DOCK4: variants seen among roughly 807,000 people sequenced by gnomAD.
DOCK4 encodes the protein dedicator of cytokinesis 4.
Under a neutral mutation model 268.1 loss-of-function variants are expected in DOCK4, and 97 were observed. The observed-to-expected ratio is 0.36, with a 90% CI of 0.31 to 0.43. The LOEUF (loss-of-function observed/expected upper bound fraction) is 0.43, where lower values mean the gene tolerates loss of function less well. Among genes scored for constraint, DOCK4 ranks in the 20% least tolerant of loss-of-function variants. The pLI is 1.00. For missense variants in DOCK4, 2,145 were observed against 2,455.7 expected, an observed-to-expected ratio of 0.87 and a Z score of 2.67; for synonymous variants, 954 against 887.2, an observed-to-expected ratio of 1.08 and a Z score of -1.34.
intron 1 of DOCK4, among the ~76,000 whole-genome samples, chr7:112,021,715 A>G (rs1306082000): frequency 6.6e-6 from 1 of 152,198 alleles, no homozygotes; most frequent in Non-Finnish European, 1.5e-5. Context: ...TATTTATTGC[A>G]AGGGGAGTTC....
rs115108412 is a variant in DOCK4 at position 111,840,493 on chromosome 7, G to C, written c.2736+4270C>G. ...TAAAATCTGCTTCTACCTATAATTAGACTTTTGAAAGGAACTGATCACAAT... is the reference window on the plus strand; with the variant it reads ...TAAAATCTGCTTCTACCTATAATTACACTTTTGAAAGGAACTGATCACAAT... On this transcript the variant is annotated intron_variant, in intron 25 of 52. Coordinates refer to ENST00000428084, the MANE Select transcript of DOCK4 (RefSeq NM_001363540.2). Among the ~76,000 whole-genome samples, 738 of 151,908 alleles carry C rather than the reference G, an allele frequency of 4.9e-3. 7 individuals are homozygous for C. Among genetic ancestry groups the C allele is most frequent in the African/African-American group, 0.017 (698 of 41,466 alleles).
At chr7:111,865,024 A>G (rs1432370698) in intron 22 of DOCK4, among the ~76,000 whole-genome samples, 1 of 152,240 alleles carries the variant, frequency 6.6e-6, no homozygotes, top group Non-Finnish European at 1.5e-5. Context: ...CGGCTGTGCC[A>G]GGGCAAGCTG....
intron 1 of DOCK4, among the ~76,000 whole-genome samples, chr7:112,097,061 C>T (rs1586815789): frequency 1.3e-5 from 2 of 152,228 alleles, no homozygotes; most frequent in South Asian, 4.2e-4. Flanking sequence ...CCGCAAAAAG[C>T]CAACTATCAG....
rs1252531726 is a variant in DOCK4, at chr7:111,732,144, C to A, written c.5481+82G>T. ...TGCCTGGTCCCTGCAAATTAAAGCA[C>A]CTTTTGATATATCTGGGATGAGTCT... On this transcript the variant is annotated intron_variant, in intron 52 of 52. Coordinates refer to ENST00000428084, the MANE Select transcript of DOCK4 (RefSeq NM_001363540.2). 11 of 1,398,654 alleles carry A rather than the reference C, an allele frequency of 7.9e-6. No homozygotes were observed. The East Asian group carries it at 2.6e-4, about 33-fold the overall frequency. 86.6% of individuals were successfully genotyped at this position (1,398,654 alleles called of 1,614,324 possible).
At chr7:111,931,607 A>G in intron 12 of DOCK4, among the ~76,000 whole-genome samples, 1 of 152,236 alleles carries the variant, frequency 6.6e-6, no homozygotes, top group East Asian at 1.9e-4. Flanking sequence ...GAGGAGATGA[A>G]GGAAACAAAG....
In DOCK4 at chr7:111,900,397, C is replaced by T. The variant is rs533356346; in HGVS notation, c.1457G>A (p.Arg486His). ...ACTGGAACAATGCCGAAACTCGAAG[C>T]GGATGTGTGCACCCCGGAATTTATC... ...PVDKFRGAHI[R>H]FEFRHCSTKE... Residue 486 changes from arginine (R) to histidine (H), a missense_variant, in exon 15 of 53, where the codon CGC becomes CAC. Physicochemically the swap from Arg to His is conservative, Grantham distance 29. Transcript: ENST00000428084. 1.2e-5 allele frequency: 20 copies of T among 1,613,226 alleles called. No homozygotes were observed. Among genetic ancestry groups the T allele is most frequent in the African/African-American group, 4.0e-5 (3 of 75,040 alleles).
rs1281991419 is a variant in DOCK4, at chr7:112,118,928, T to G, written c.37+87174A>C. On this transcript the variant is annotated intron_variant, in intron 1 of 52. Coordinates refer to ENST00000428084, the MANE Select transcript of DOCK4 (RefSeq NM_001363540.2). The stretch of plus-strand genomic sequence containing the variant: ...CTAAATGTAGATGTGCCTTTCCCTA[T>G]AAGTCTGAATATTCAGTGGCCTACA... 3.9e-5 allele frequency among the ~76,000 whole-genome samples: 6 copies of G among 152,286 alleles called. No individual in the cohort carries two copies. In the East Asian group the frequency reaches 9.7e-4, roughly 25 times the overall value.
chr7:112,065,028 T>C (rs967765294), intron 1 of DOCK4, among the ~76,000 whole-genome samples: 1 of 152,164 alleles, frequency 6.6e-6, no homozygotes, highest in Non-Finnish European at 1.5e-5. Context: ...CTCCCAGTCT[T>C]CGGTATTTTG....
chr7:111,808,555 A>AT (rs1217495766), intron 30 of DOCK4: 1 of 342,692 alleles, frequency 2.9e-6, no homozygotes, highest in East Asian at 4.5e-5. Flanking sequence ...AATATGTGTA[A>AT]TGTTGGAGCA....
At position 111,760,628 on chromosome 7, in the gene DOCK4, C is replaced by T. The variant is rs541614725; in HGVS notation, c.4021-306G>A. ...AGTATGAAAACAAAACAATTGTATC[C>T]CTCTAAATGTTAATAAGCACATGTG... On this transcript the variant is annotated intron_variant, in intron 39 of 52. Transcript: ENST00000428084. Among the ~76,000 whole-genome samples the T allele has an allele frequency of 5.3e-5, 8 of 152,180 alleles. No homozygotes were observed. The East Asian group carries it at 1.5e-3, about 29-fold the overall frequency.
At chr7:112,000,421 T>C (rs1445424231) in intron 3 of DOCK4, 73 bp downstream of exon 3, 16 of 999,650 alleles carry the variant, frequency 1.6e-5, no homozygotes, top group South Asian at 1.7e-5. Flanking sequence ...ATTTCAATTG[T>C]ATAAAGAAAT....
At chr7:112,013,687 G>A (rs912346500) in intron 1 of DOCK4, among the ~76,000 whole-genome samples, 2 of 152,348 alleles carry the variant, frequency 1.3e-5, no homozygotes, top group Middle Eastern at 3.4e-3. Flanking sequence ...GAAGAGACCA[G>A]CAAACAGGTT....
chr7:112,088,614 C>T (rs1018232977), intron 1 of DOCK4, among the ~76,000 whole-genome samples: 1 of 152,066 alleles, frequency 6.6e-6, no homozygotes, highest in Non-Finnish European at 1.5e-5. Flanking sequence ...AGAGCTTAAA[C>T]ATGTGCTAAG....
At chr7:111,921,262 T>C (rs1317905822) in intron 12 of DOCK4, among the ~76,000 whole-genome samples, 1 of 152,166 alleles carries the variant, frequency 6.6e-6, no homozygotes. Context: ...AAACAACATA[T>C]GATTCATGAT....
intron 1 of DOCK4, among the ~76,000 whole-genome samples, chr7:112,138,036 C>T (rs1422442466): frequency 6.6e-6 from 1 of 152,196 alleles, no homozygotes; most frequent in Non-Finnish European, 1.5e-5. Flanking sequence ...TCTCTACAAT[C>T]ATCTCCCATA....
chr7:111,911,117 T>TA (rs1306249292), intron 13 of DOCK4, among the ~76,000 whole-genome samples: 1 of 152,206 alleles, frequency 6.6e-6, no homozygotes, highest in Admixed American at 6.5e-5. Context: ...CCTGTTGGTA[T>TA]AATCATGTGC....
At chr7:111,929,295 G>A (rs1313573210) in intron 12 of DOCK4, among the ~76,000 whole-genome samples, 1 of 151,936 alleles carries the variant, frequency 6.6e-6, no homozygotes, top group African/African-American at 2.4e-5. Flanking sequence ...TAAATGGAGG[G>A]AGATTATGCA....
intron 42 of DOCK4, among the ~76,000 whole-genome samples, chr7:111,748,965 T>C (rs10278061): frequency 0.011 from 1,745 of 152,204 alleles, 35 homozygotes; most frequent in African/African-American, 0.04. Flanking sequence ...TATGTCTCAA[T>C]AGAACACAAG....
intron 1 of DOCK4, among the ~76,000 whole-genome samples, chr7:112,123,185 C>A (rs955856177): frequency 6.6e-6 from 1 of 152,194 alleles, no homozygotes; most frequent in African/African-American, 2.4e-5. Flanking sequence ...AATGTCCATT[C>A]AGGTGTGGTT....
Sources: gnomAD v4.1 joint callset for allele counts (sites outside exome capture counted in the v4.1 genomes callset) on GRCh38, gnomAD v4.1.1 for gene constraint, MANE v1.5 for transcripts, NCBI Gene and HGNC (gene_info 2026-07-23, HGNC 2026-07-21) for gene names.